PRUNE2: variants seen among roughly 807,000 people sequenced by gnomAD.
PRUNE2 encodes the protein protein prune homolog 2.
PRUNE2 carries 164 observed loss-of-function variants against 252.0 expected under a neutral mutation model. That is an observed-to-expected ratio of 0.65 (90% confidence interval 0.57 to 0.74). The LOEUF is 0.74. PRUNE2 is among the 30% of genes least tolerant of loss of function. The probability of loss-of-function intolerance (pLI) is 0.00; values close to 1 mark genes in which losing one functional copy is unlikely to be tolerated. For synonymous variants in PRUNE2, 1,292 were observed against 1,350.2 expected (o/e 0.96, Z 0.94); for missense variants, 3,495 against 3,711.0 (o/e 0.94, Z 1.51).
intron 9 of PRUNE2, among the ~76,000 whole-genome samples, chr9:76,688,907 G>C (rs779852127): frequency 4.6e-5 from 7 of 152,182 alleles, no homozygotes; most frequent in Non-Finnish European, 7.4e-5. Context: ...TGACTCCATA[G>C]CTGGGTTTAT....
At chr9:76,839,327 C>A (rs73653220) in intron 4 of PRUNE2, among the ~76,000 whole-genome samples, 3,611 of 152,200 alleles carry the variant, frequency 0.024, 155 homozygotes, top group African/African-American at 0.081. Context: ...AGTCTCTTTT[C>A]TCATGAAGTT....
At chr9:76,729,913 ACT>A (rs1326747172) in intron 6 of PRUNE2, among the ~76,000 whole-genome samples, 3 of 152,080 alleles carry the variant, frequency 2.0e-5, no homozygotes, top group African/African-American at 7.2e-5. Flanking sequence ...CTGAACACAG[ACT>A]CCTACATTTT....
intron 1 of PRUNE2, among the ~76,000 whole-genome samples, chr9:76,895,366 A>G (rs2062754901): frequency 6.6e-6 from 1 of 151,806 alleles, no homozygotes; most frequent in Non-Finnish European, 1.5e-5. Flanking sequence ...CCCACATCAG[A>G]CTCACATTTT....
At chr9:76,752,046 C>A (rs895075290) in intron 6 of PRUNE2, among the ~76,000 whole-genome samples, 104 of 151,658 alleles carry the variant, frequency 6.9e-4, no homozygotes, top group African/African-American at 2.3e-3. Context: ...ATTAGATGGG[C>A]CTTAAAAGCT....
chr9:76,874,933 A>G (rs2061398228), intron 1 of PRUNE2, among the ~76,000 whole-genome samples: 1 of 152,190 alleles, frequency 6.6e-6, no homozygotes, highest in Non-Finnish European at 1.5e-5. Context: ...ATAAAACAAT[A>G]ATTTTACTTG....
chr9:76,709,500 T>C lies in PRUNE2; in HGVS notation c.2774A>G (p.Asn925Ser). Reference sequence around the variant, plus strand: ...GACATCTGACCCTCCTTTCTTCATATTCTCCTCAAAAAGGTTCCAGGAATC... The same window carrying C: ...GACATCTGACCCTCCTTTCTTCATACTCTCCTCAAAAAGGTTCCAGGAATC... ...KVDSWNLFEENMKKGGSDVLV... is the reference protein window; with the variant it reads ...KVDSWNLFEESMKKGGSDVLV... The change falls in exon 8 of 19, where the codon AAT becomes AGT. Residue 925 changes from asparagine (N) to serine (S), a missense_variant. Coordinates refer to ENST00000376718, the MANE Select transcript of PRUNE2 (RefSeq NM_015225.3). 1.2e-6 allele frequency: 2 copies of C among 1,614,014 alleles called. No individual in the cohort carries two copies. The highest frequency in any genetic ancestry group is 1.7e-6 in the Non-Finnish European group (2 of 1,179,884).
In PRUNE2 at chr9:76,661,718, T is replaced by A. The variant is rs143741201; in HGVS notation, c.8277-6216A>T. 2.4e-3 allele frequency among the ~76,000 whole-genome samples: 369 copies of A among 152,302 alleles called. 1 individual carries two copies. The highest frequency in any genetic ancestry group is 8.7e-3 in the African/African-American group (361 of 41,562). ...ATGTAAAACAAAAATTGAAAATACATTATAAGGCAAAATAAATTTCATGGG... is the reference window on the plus strand; with the variant it reads ...ATGTAAAACAAAAATTGAAAATACAATATAAGGCAAAATAAATTTCATGGG... On this transcript the variant is annotated intron_variant, in intron 9 of 18. Transcript: ENST00000376718.
chr9:76,763,739 G>A (rs2052001952), intron 6 of PRUNE2, among the ~76,000 whole-genome samples: 1 of 152,188 alleles, frequency 6.6e-6, no homozygotes, highest in Non-Finnish European at 1.5e-5. Context: ...GAAGTGCTGG[G>A]AGGCCCAATA....
chr9:76,629,292 TAAA>T lies in PRUNE2; in HGVS notation c.9051-5_9051-3del, dbSNP rs370679936. On this transcript the variant is annotated splice_region_variant and splice_polypyrimidine_tract_variant and intron_variant, in intron 15 of 18. Coordinates refer to ENST00000376718, the MANE Select transcript of PRUNE2 (RefSeq NM_015225.3). ...TTAATTTTACTGCTGAATTTTGAAC[TAAA>T]AAAAAAAAAAAGAAAAAAATATGTA... 1,011 of 1,155,908 alleles carry T rather than the reference TAAA, an allele frequency of 8.7e-4. No individual in the cohort carries two copies. Among genetic ancestry groups the T allele is most frequent in the Admixed American group, 1.3e-3 (51 of 38,684 alleles). 71.6% of individuals were successfully genotyped at this position (1,155,908 alleles called of 1,614,324 possible). A position where few individuals can be genotyped will look rare whatever the true frequency, so the allele number is the denominator to read the frequency against.
intron 1 of PRUNE2, among the ~76,000 whole-genome samples, chr9:76,879,322 C>T (rs543273245): frequency 2.0e-5 from 3 of 152,300 alleles, no homozygotes; most frequent in African/African-American, 7.2e-5. Flanking sequence ...GGGCCATCTG[C>T]ACACCCCGAT....
chr9:76,627,570 G>A (rs2132252337), intron 16 of PRUNE2, among the ~76,000 whole-genome samples: 1 of 152,284 alleles, frequency 6.6e-6, no homozygotes, highest in African/African-American at 2.4e-5. Flanking sequence ...CACTCCGTTT[G>A]ATTCAGCTGA....
chr9:76,803,165 A>C (rs1318915023), intron 6 of PRUNE2, among the ~76,000 whole-genome samples: 1 of 152,210 alleles, frequency 6.6e-6, no homozygotes, highest in East Asian at 1.9e-4. Flanking sequence ...ATGAGATTTC[A>C]TCTACTTCTT....
chr9:76,771,164 A>C (rs2053060026), intron 6 of PRUNE2, among the ~76,000 whole-genome samples: 1 of 152,218 alleles, frequency 6.6e-6, no homozygotes, highest in South Asian at 2.1e-4. Flanking sequence ...ACATGATTTA[A>C]ATATCATATA....
chr9:76,665,026 G>A (rs1182433077), intron 9 of PRUNE2, among the ~76,000 whole-genome samples: 2 of 152,074 alleles, frequency 1.3e-5, no homozygotes, highest in Non-Finnish European at 2.9e-5. Flanking sequence ...CTTAGTTCAA[G>A]TTCATTTTTT....
At chr9:76,670,996 C>T (rs551089309) in intron 9 of PRUNE2, among the ~76,000 whole-genome samples, 128 of 152,300 alleles carry the variant, frequency 8.4e-4, no homozygotes, top group Non-Finnish European at 1.5e-3. Context: ...AGCAGAGCGC[C>T]TCTCCTCCTC....
intron 6 of PRUNE2, among the ~76,000 whole-genome samples, chr9:76,761,376 G>C (rs896814512): frequency 6.6e-6 from 1 of 152,086 alleles, no homozygotes; most frequent in South Asian, 2.1e-4. Flanking sequence ...ACCTATATTT[G>C]TGTAAGTCAG....
In PRUNE2 at chr9:76,795,655, AG is replaced by A. The variant is rs1168539419; in HGVS notation, c.756+27976del. The stretch of plus-strand genomic sequence containing the variant: ...AAAGAGGGGGCACAGAAAGGGGCAG[AG>A]GAAGGAAGGGGAGATAAATGCAAAT... On this transcript the variant is annotated intron_variant, in intron 6 of 18. Coordinates refer to ENST00000376718, the MANE Select transcript of PRUNE2 (RefSeq NM_015225.3). 3.3e-5 allele frequency among the ~76,000 whole-genome samples: 5 copies of A among 152,180 alleles called. No homozygotes were observed. In the East Asian group the frequency reaches 7.7e-4, roughly 23 times the overall value.
intron 1 of PRUNE2, among the ~76,000 whole-genome samples, chr9:76,856,017 A>C (rs921754187): frequency 2.0e-5 from 3 of 152,222 alleles, no homozygotes; most frequent in Non-Finnish European, 2.9e-5. Flanking sequence ...AACACAAACA[A>C]ACACATTAGG....
chr9:76,629,194 G>T lies in PRUNE2; in HGVS notation c.9147C>A (p.Ile3049=). 6.3e-7 allele frequency: 1 copy of T among 1,584,406 alleles called. No homozygotes were observed. ...MDCIHIPESI[I]KLDEELREAS... is the part of the protein sequence containing the mutation. ...TCTCTGAAACTGTCAGGACTTACTT[G>T]ATGATGCTCTCTGGAATGTGGATGC... The change falls in exon 16 of 19, where the codon ATC becomes ATA. Residue 3049 remains isoleucine (I), a splice_region_variant and synonymous_variant. Coordinates refer to ENST00000376718, the MANE Select transcript of PRUNE2 (RefSeq NM_015225.3).
Sources: gnomAD v4.1 joint callset for allele counts (sites outside exome capture counted in the v4.1 genomes callset) on GRCh38, gnomAD v4.1.1 for gene constraint, MANE v1.5 for transcripts, NCBI Gene and HGNC (gene_info 2026-07-23, HGNC 2026-07-21) for gene names.